The following ITPRID1 variants were observed in gnomAD, a reference collection of about 807,000 sequenced individuals.
ITPRID1 encodes the protein ITPR interacting domain containing 1.
In ITPRID1, 96 loss-of-function variants were observed where a neutral mutation model predicts 95.4. The ratio of observed to expected loss-of-function variants is 1.01; its 90% CI spans 0.85 to 1.19. The LOEUF (loss-of-function observed/expected upper bound fraction) is 1.19, where lower values mean the gene tolerates loss of function less well. Ranked by LOEUF, ITPRID1 falls within the 50% of genes most tolerant of loss-of-function variation. ITPRID1 has a pLI of 0.00. For missense variants in ITPRID1, 1,339 were observed against 1,252.9 expected, an observed-to-expected ratio of 1.07 and a Z score of -1.04; for synonymous variants, 510 against 453.6, an observed-to-expected ratio of 1.12 and a Z score of -1.58.
rs559196449 is a variant in ITPRID1, at chr7:31,587,745, C to T, written c.1228+4554C>T. Among the ~76,000 whole-genome samples, 10 of 151,058 alleles carry T rather than the reference C, an allele frequency of 6.6e-5. No homozygotes were observed. In the East Asian group the frequency reaches 1.9e-3, roughly 29 times the overall value. On this transcript the variant is annotated intron_variant, in intron 10 of 14. Coordinates refer to ENST00000615280, the MANE Select transcript of ITPRID1 (RefSeq NM_001257967.3). ...CACTACCTGACTTCAAACTATACTA[C>T]AAGGCTACAGTAACCAAAACAGCAT... is the stretch of plus-strand genomic sequence containing the variant.
intron 10 of ITPRID1, among the ~76,000 whole-genome samples, chr7:31,599,597 CTTTCTTTCTTTCTTTCTTTCTTT>C (rs1463211258): frequency 1.4e-5 from 1 of 72,460 alleles, no homozygotes; most frequent in Admixed American, 1.4e-4. Flanking sequence ...TTCTTTCTTT[CTTTCTTTCTTTCTTTCTTTCTTT>C]CTTTCTTTCT....
intron 1 of ITPRID1, chr7:31,529,958 C>A: frequency 1.5e-6 from 1 of 657,168 alleles, no homozygotes; most frequent in Non-Finnish European, 2.6e-6. Context: ...TCTTTACCTG[C>A]AGCTGTGTGA....
chr7:31,522,272 C>T (rs969504526), intron 1 of ITPRID1, among the ~76,000 whole-genome samples: 6 of 152,168 alleles, frequency 3.9e-5, no homozygotes, highest in Admixed American at 3.9e-4. Flanking sequence ...TCTGACTCCC[C>T]TCCCTTAGGC....
At chr7:31,602,352 C>T (rs1240761906) in intron 10 of ITPRID1, among the ~76,000 whole-genome samples, 2 of 152,154 alleles carry the variant, frequency 1.3e-5, no homozygotes, top group Non-Finnish European at 2.9e-5. Context: ...GTAGCACTGG[C>T]AGTTTAGTGT....
chr7:31,537,728 T>C (rs1274247439), intron 1 of ITPRID1, among the ~76,000 whole-genome samples: 1 of 152,182 alleles, frequency 6.6e-6, no homozygotes, highest in East Asian at 1.9e-4. Flanking sequence ...TTCATGGCTG[T>C]TAAAAAACAT....
chr7:31,602,072 A>G (rs1479561812), intron 10 of ITPRID1, among the ~76,000 whole-genome samples: 1 of 152,086 alleles, frequency 6.6e-6, no homozygotes, highest in African/African-American at 2.4e-5. Context: ...GTAGGCATAG[A>G]CTTAATTTTA....
intron 12 of ITPRID1, among the ~76,000 whole-genome samples, chr7:31,645,108 T>C (rs1725992039): frequency 6.6e-6 from 1 of 152,216 alleles, no homozygotes; most frequent in Non-Finnish European, 1.5e-5. Context: ...TGCCTCCTAA[T>C]GACTAAGTGG....
At chr7:31,546,504 A>G (rs1341418991) in intron 1 of ITPRID1, among the ~76,000 whole-genome samples, 2 of 151,414 alleles carry the variant, frequency 1.3e-5, no homozygotes, top group South Asian at 2.1e-4. Context: ...CAGATCTACA[A>G]TGCTATATTT....
chr7:31,520,951 A>G (rs908615447), intron 1 of ITPRID1, among the ~76,000 whole-genome samples: 4 of 151,940 alleles, frequency 2.6e-5, no homozygotes, highest in Non-Finnish European at 5.9e-5. Flanking sequence ...CTGGCTTCAC[A>G]TTACAAAGGC....
chr7:31,630,244 CAAAAAAA>C (rs71557496), intron 10 of ITPRID1, among the ~76,000 whole-genome samples: 1 of 103,720 alleles, frequency 9.6e-6, no homozygotes, highest in African/African-American at 3.8e-5. Context: ...GTCTACTTGG[CAAAAAAA>C]AAAAAAAAAA....
intron 10 of ITPRID1, among the ~76,000 whole-genome samples, chr7:31,636,715 C>CT (rs201481144): frequency 6.8e-6 from 1 of 146,174 alleles, no homozygotes. Flanking sequence ...ATAAAGGGAT[C>CT]TTTTTTTTTT....
intron 1 of ITPRID1, among the ~76,000 whole-genome samples, chr7:31,541,816 G>A (rs1022402863): frequency 6.6e-6 from 1 of 152,056 alleles, no homozygotes; most frequent in Non-Finnish European, 1.5e-5. Flanking sequence ...GATTTTTATA[G>A]ACCCTTTTTA....
intron 5 of ITPRID1, among the ~76,000 whole-genome samples, chr7:31,568,399 C>G (rs13438377): frequency 6.6e-6 from 1 of 152,138 alleles, no homozygotes; most frequent in South Asian, 2.1e-4. Flanking sequence ...TTCAGGATTG[C>G]TTTTCCAAAA....
chr7:31,541,926 C>T (rs1236057552), intron 1 of ITPRID1, among the ~76,000 whole-genome samples: 1 of 152,110 alleles, frequency 6.6e-6, no homozygotes, highest in African/African-American at 2.4e-5. Flanking sequence ...GGATGATACC[C>T]CTTTAGCTTT....
chr7:31,577,905 C>T lies in ITPRID1; in HGVS notation c.641C>T (p.Ala214Val). 1 of 1,611,696 alleles carries T rather than the reference C, an allele frequency of 6.2e-7. No homozygotes were observed. The highest frequency in any genetic ancestry group is 8.5e-7 in the Non-Finnish European group (1 of 1,178,796). ...GAAATCCTGGACCATGTGACCAATGCCTTCTCATCTCTGCTGAGTGATGTC... is the reference window on the plus strand; with the variant it reads ...GAAATCCTGGACCATGTGACCAATGTCTTCTCATCTCTGCTGAGTGATGTC... ...QLEILDHVTNAFSSLLSDVSI... is the reference protein window; with the variant it reads ...QLEILDHVTNVFSSLLSDVSI... The change falls in exon 9 of 15, where the codon GCC becomes GTC. Residue 214 changes from alanine (A) to valine (V), a missense_variant. Transcript: ENST00000615280.
chr7:31,639,300 T>C (rs1408351647), intron 10 of ITPRID1, among the ~76,000 whole-genome samples: 1 of 152,156 alleles, frequency 6.6e-6, no homozygotes, highest in Non-Finnish European at 1.5e-5. Flanking sequence ...TAAATCTCTA[T>C]GTTTCATTTG....
rs1419340194 is a variant in ITPRID1, at chr7:31,634,665, G to C, written c.1229-7511G>C. ...CCTTAAGCTATGGGATAGGCAGGAT[G>C]GGGGAACCAGCAGTCTAAGGAGGCA... is the stretch of plus-strand genomic sequence containing the variant. On this transcript the variant is annotated intron_variant, in intron 10 of 14. Transcript: ENST00000615280. 4.6e-5 allele frequency among the ~76,000 whole-genome samples: 7 copies of C among 152,270 alleles called. No individual in the cohort carries two copies. In the East Asian group the frequency reaches 1.4e-3, roughly 29 times the overall value.
At chr7:31,569,956 T>C (rs1386650552) in intron 6 of ITPRID1, 147 bp downstream of exon 6, 3 of 586,538 alleles carry the variant, frequency 5.1e-6, no homozygotes, top group East Asian at 6.0e-5. Context: ...GTGCCTAGAA[T>C]GTTTACATCA....
chr7:31,568,050 C>T (rs890388418), intron 5 of ITPRID1, among the ~76,000 whole-genome samples: 2 of 151,094 alleles, frequency 1.3e-5, no homozygotes, highest in African/African-American at 2.4e-5. Flanking sequence ...CACTTGAACT[C>T]GGGAGGCAGA....
Sources: allele counts gnomAD v4.1 joint callset (sites outside exome capture counted in the v4.1 genomes callset), GRCh38; gene constraint gnomAD v4.1.1; transcripts MANE v1.5; gene names NCBI Gene and HGNC (gene_info 2026-07-23, HGNC 2026-07-21).